ARIH2: variants seen among roughly 807,000 people sequenced by gnomAD.
ARIH2 encodes E3 ubiquitin-protein ligase ARIH2.
Under a neutral mutation model 79.8 loss-of-function variants are expected in ARIH2, and 12 were observed. The observed-to-expected ratio is 0.15, with a 90% CI of 0.10 to 0.24. ARIH2 has a LOEUF of 0.24. ARIH2 is among the 10% of genes least tolerant of loss of function. The pLI, the probability that ARIH2 is intolerant of heterozygous loss-of-function variation, is 1.00. For missense variants in ARIH2, 301 were observed against 618.3 expected (o/e 0.49, Z 5.44); for synonymous variants, 224 against 213.9 (o/e 1.05, Z -0.41).
In ARIH2 at chr3:48,918,992, G is replaced by T; in HGVS notation, c.-168G>T. On this transcript the variant is annotated 5_prime_UTR_variant, in exon 1 of 16. Coordinates refer to ENST00000356401, the MANE Select transcript of ARIH2 (RefSeq NM_006321.4). The stretch of plus-strand genomic sequence containing the variant: ...CGGGCTCAGCGGCCGCGAGGCCGCA[G>T]CTCCCGGTAAGTGCGCGGCGCACGT... The T allele has an allele frequency of 6.9e-7, 1 of 1,446,606 alleles. No homozygotes were observed. Among genetic ancestry groups the T allele is most frequent in the Non-Finnish European group, 9.0e-7 (1 of 1,106,192 alleles). 89.6% of individuals were successfully genotyped at this position (1,446,606 alleles called of 1,614,324 possible).
intron 3 of ARIH2, among the ~76,000 whole-genome samples, chr3:48,938,273 G>A (rs2087466262): frequency 6.6e-6 from 1 of 152,140 alleles, no homozygotes; most frequent in Non-Finnish European, 1.5e-5. Flanking sequence ...ATGGTTGGCT[G>A]CACATGCCTT....
At chr3:48,926,613 C>T (rs2085654529) in intron 2 of ARIH2, 1 of 151,914 alleles carries the variant, frequency 6.6e-6, no homozygotes, top group Non-Finnish European at 1.5e-5. Flanking sequence ...TGCAGTGGCG[C>T]AATCTTGGCT....
chr3:48,976,637 C>CTT (rs1450599273), intron 11 of ARIH2, among the ~76,000 whole-genome samples: 7 of 152,216 alleles, frequency 4.6e-5, no homozygotes, highest in African/African-American at 1.7e-4. Context: ...TTCTTTCGCT[C>CTT]TCTTTTTCTT....
At chr3:48,956,012 G>A (rs1247082809) in intron 3 of ARIH2, among the ~76,000 whole-genome samples, 5 of 152,158 alleles carry the variant, frequency 3.3e-5, no homozygotes, top group Non-Finnish European at 7.3e-5. Flanking sequence ...TACTGGATGA[G>A]GTGCAGTGAC....
Position 48,943,635 on chromosome 3 carries a change from A to G in ARIH2, c.255+15822A>G, listed in dbSNP as rs1454421888. 2.6e-5 allele frequency: 4 copies of G among 152,200 alleles called. No individual in the cohort carries two copies. The East Asian group carries it at 5.8e-4, about 22-fold the overall frequency. The allele number at this position is 152,200 out of a possible 1,614,324, so 9.4% of individuals were successfully genotyped here. A position where few individuals can be genotyped will look rare whatever the true frequency, so the allele number is the denominator to read the frequency against. On this transcript the variant is annotated intron_variant, in intron 3 of 15. Transcript: ENST00000356401. ...CTTCCTGTTTATATAGTTTTATATA[A>G]ACAGAAAGGTTATAAAAATAGGGTT...
intron 3 of ARIH2, among the ~76,000 whole-genome samples, chr3:48,954,152 C>G (rs1288339245): frequency 6.6e-6 from 1 of 151,466 alleles, no homozygotes; most frequent in East Asian, 2.0e-4. Flanking sequence ...AGGAGCGAGA[C>G]TTTGTCGCAA....
intron 3 of ARIH2, among the ~76,000 whole-genome samples, chr3:48,960,237 C>G (rs892504176): frequency 5.3e-5 from 8 of 152,122 alleles, no homozygotes; most frequent in African/African-American, 1.9e-4. Context: ...GCTTAACTTC[C>G]CAATTACGAT....
chr3:48,931,559 AAG>A (rs1491559452), intron 3 of ARIH2, among the ~76,000 whole-genome samples: 4 of 151,942 alleles, frequency 2.6e-5, no homozygotes, highest in Non-Finnish European at 5.9e-5. Flanking sequence ...AAAAAAAAAA[AAG>A]AGAAAAAATT....
chr3:48,935,910 T>C (rs2087044373), intron 3 of ARIH2, among the ~76,000 whole-genome samples: 1 of 152,170 alleles, frequency 6.6e-6, no homozygotes, highest in South Asian at 2.1e-4. Context: ...AGTGTGCGTA[T>C]GATATTGGGT....
intron 6 of ARIH2, among the ~76,000 whole-genome samples, chr3:48,967,825 T>C (rs1253111842): frequency 6.6e-6 from 1 of 152,220 alleles, no homozygotes; most frequent in Non-Finnish European, 1.5e-5. Flanking sequence ...TTTTGTTATT[T>C]AATGGTGCCG....
chr3:48,968,253 G>A (rs1016950170), intron 6 of ARIH2: 2 of 188,832 alleles, frequency 1.1e-5, no homozygotes, highest in African/African-American at 2.4e-5. Context: ...TGTCGCCCAG[G>A]CTGGAGTGCA....
intron 3 of ARIH2, among the ~76,000 whole-genome samples, chr3:48,951,924 C>G (rs2090008027): frequency 6.6e-6 from 1 of 151,840 alleles, no homozygotes; most frequent in African/African-American, 2.4e-5. Context: ...TTAATTGTTA[C>G]TATTTTCTTC....
At chr3:48,960,757 CAAA>C (rs748889651) in intron 3 of ARIH2, among the ~76,000 whole-genome samples, 4 of 81,304 alleles carry the variant, frequency 4.9e-5, no homozygotes, top group Admixed American at 1.3e-4. Context: ...AAGACTGTCT[CAAA>C]AAAAAAAAAA....
chr3:48,985,228 G>A lies in ARIH2; in HGVS notation c.*1958G>A, dbSNP rs530046945. 2.6e-5 allele frequency: 4 copies of A among 152,500 alleles called. No homozygotes were observed. Among genetic ancestry groups the A allele is most frequent in the African/African-American group, 9.6e-5 (4 of 41,552 alleles). 9.4% of individuals were successfully genotyped at this position (152,500 alleles called of 1,614,324 possible). A position where few individuals can be genotyped will look rare whatever the true frequency, so the allele number is the denominator to read the frequency against. On this transcript the variant is annotated 3_prime_UTR_variant, in exon 16 of 16. Coordinates refer to ENST00000356401, the MANE Select transcript of ARIH2 (RefSeq NM_006321.4). ...TGCAGGGCTGCCAGGTTCTGTACTT[G>A]TGTCCAGCTGTGGCCCTGGATGCTG... is the stretch of plus-strand genomic sequence containing the variant.
At chr3:48,934,030 A>T (rs1433834469) in intron 3 of ARIH2, among the ~76,000 whole-genome samples, 1 of 152,132 alleles carries the variant, frequency 6.6e-6, no homozygotes, top group Non-Finnish European at 1.5e-5. Context: ...TTTTTTTAAA[A>T]ATCTGGTGTT....
chr3:48,965,930 A>C (rs1017518007), intron 5 of ARIH2, among the ~76,000 whole-genome samples: 6 of 150,388 alleles, frequency 4.0e-5, no homozygotes, highest in African/African-American at 1.5e-4. Flanking sequence ...CCCTGCATGC[A>C]CTCCAGCCTG....
At chr3:48,926,734 G>T (rs775486537) in intron 2 of ARIH2, 1 of 152,170 alleles carries the variant, frequency 6.6e-6, no homozygotes, top group Non-Finnish European at 1.5e-5. Context: ...ATTTTTAGTA[G>T]AGATGGGGTT....
At position 48,983,504 on chromosome 3, in the gene ARIH2, C is replaced by T; in HGVS notation, c.*234C>T. 1.8e-6 allele frequency: 1 copy of T among 560,140 alleles called. No individual in the cohort carries two copies. Among genetic ancestry groups the T allele is most frequent in the Admixed American group, 3.3e-5 (1 of 30,620 alleles). The allele number at this position is 560,140 out of a possible 1,614,324, so 34.7% of individuals were successfully genotyped here. ...GCCTCTTTTCAGGACTTTTATTTCC[C>T]CCTGGATGGTTGTTGGGAGGGAGGG... On this transcript the variant is annotated 3_prime_UTR_variant, in exon 16 of 16. Coordinates refer to ENST00000356401, the MANE Select transcript of ARIH2 (RefSeq NM_006321.4).
chr3:48,957,950 G>A (rs558539271), intron 3 of ARIH2, among the ~76,000 whole-genome samples: 5 of 152,302 alleles, frequency 3.3e-5, no homozygotes, highest in Admixed American at 2.0e-4. Context: ...TCCTGGTCTT[G>A]TGATCCACCT....
Sources: gnomAD v4.1 joint callset for allele counts (sites outside exome capture counted in the v4.1 genomes callset) on GRCh38, gnomAD v4.1.1 for gene constraint, MANE v1.5 for transcripts, NCBI Gene and HGNC (gene_info 2026-07-23, HGNC 2026-07-21) for gene names.